CCDC81: variants seen among roughly 807,000 people sequenced by gnomAD.
CCDC81 encodes coiled-coil domain-containing protein 81.
Under a neutral mutation model 83.7 loss-of-function variants are expected in CCDC81, and 79 were observed. The observed-to-expected ratio is 0.94, with a 90% CI of 0.79 to 1.14. The LOEUF is 1.14. Ranked by LOEUF, CCDC81 falls within the 50% of genes most tolerant of loss-of-function variation. The pLI is 0.00. For synonymous variants in CCDC81, 252 were observed against 278.1 expected, an observed-to-expected ratio of 0.91 and a Z score of 0.93; for missense variants, 791 against 778.1, an observed-to-expected ratio of 1.02 and a Z score of -0.20.
At position 86,415,140 on chromosome 11, in the gene CCDC81, T is replaced by A; in HGVS notation, c.1518T>A (p.Ser506=). Reference sequence around the variant, plus strand: ...TGCCCCCCTTTGAGCCAGACTCCTCTGAGCCCATCTTTGGTAAGAATGAGG... The same window carrying A: ...TGCCCCCCTTTGAGCCAGACTCCTCAGAGCCCATCTTTGGTAAGAATGAGG... ...SRLPPFEPDS[S]EPIFGKNEGE... is the part of the protein sequence containing the mutation. The change falls in exon 13 of 15, where the codon TCT becomes TCA. Residue 506 remains serine (S), a synonymous_variant. Transcript: ENST00000445632. 1 of 1,614,226 alleles carries A rather than the reference T, an allele frequency of 6.2e-7. No individual in the cohort carries two copies. Among genetic ancestry groups the A allele is most frequent in the Non-Finnish European group, 8.5e-7 (1 of 1,180,038 alleles).
At chr11:86,384,199 A>AT (rs1021159669) in intron 1 of CCDC81, among the ~76,000 whole-genome samples, 1 of 152,156 alleles carries the variant, frequency 6.6e-6, no homozygotes, top group Non-Finnish European at 1.5e-5. Context: ...GGATACTGAG[A>AT]TTTTGCATTT....
chr11:86,412,375 C>A lies in CCDC81; in HGVS notation c.1219-12C>A. ...ACTCTAGCATAAATGAATTGCTTCT[C>A]TTTCATTCTAGAAATCCTTCCTATT... On this transcript the variant is annotated splice_polypyrimidine_tract_variant and intron_variant, in intron 10 of 14. Transcript: ENST00000445632. The A allele has an allele frequency of 6.4e-7, 1 of 1,565,720 alleles. No homozygotes were observed. Among genetic ancestry groups the A allele is most frequent in the South Asian group, 1.2e-5 (1 of 82,818 alleles).
Position 86,422,588 on chromosome 11 carries a change from T to A in CCDC81, c.1832T>A (p.Leu611Gln). ...CCTCTCCTCAGGGCTTCAGACAAGC[T>A]GTTTCTCCTAGACCAGTGTGAGAAG... Reference protein sequence around the residue: ...DKAFERASDKLFLLDQCEKYR... With the variant: ...DKAFERASDKQFLLDQCEKYR... Residue 611 changes from leucine (L) to glutamine (Q), a missense_variant, in exon 15 of 15, where the codon CTG (leucine) becomes CAG (glutamine). Physicochemically the swap from Leu to Gln is moderately radical, Grantham distance 113. Transcript: ENST00000445632. 6.2e-7 allele frequency: 1 copy of A among 1,613,786 alleles called. No individual in the cohort carries two copies. Among genetic ancestry groups the A allele is most frequent in the Non-Finnish European group, 8.5e-7 (1 of 1,179,762 alleles).
In CCDC81 at chr11:86,397,625, G is replaced by C; in HGVS notation, c.640G>C (p.Glu214Gln). The change falls in exon 6 of 15, where the codon GAG (glutamate) becomes CAG (glutamine). Residue 214 changes from glutamate (E) to glutamine (Q), a missense_variant. Physicochemically the swap from Glu to Gln is conservative, Grantham distance 29 (BLOSUM62 2). Coordinates refer to ENST00000445632, the MANE Select transcript of CCDC81 (RefSeq NM_001156474.2). ...PSSVLAFPRI[E>Q]LKEMENKLPM... ...AACATATTGGCTCATTCCTAGGATT[G>C]AGCTCAAGGAGATGGAAAACAAACT... is the stretch of plus-strand genomic sequence containing the variant. 2 of 1,611,648 alleles carry C rather than the reference G, an allele frequency of 1.2e-6. No individual in the cohort carries two copies. The highest frequency in any genetic ancestry group is 1.7e-6 in the Non-Finnish European group (2 of 1,179,046).
At chr11:86,386,458 G>A (rs1948242546) in intron 2 of CCDC81, among the ~76,000 whole-genome samples, 1 of 152,140 alleles carries the variant, frequency 6.6e-6, no homozygotes, top group South Asian at 2.1e-4. Context: ...GCTATAGAAG[G>A]ATATAACGCT....
chr11:86,422,857 C>A lies in CCDC81; in HGVS notation c.*142C>A. On this transcript the variant is annotated 3_prime_UTR_variant, in exon 15 of 15. Transcript: ENST00000445632. ...TGCTTTCATTAGATTGCTTGTTAAG[C>A]CCTTATTGAATTCACTCCTGCTTTC... 4 of 819,374 alleles carry A rather than the reference C, an allele frequency of 4.9e-6. No individual in the cohort carries two copies. Among genetic ancestry groups the A allele is most frequent in the Non-Finnish European group, 7.5e-6 (4 of 531,882 alleles). The allele number at this position is 819,374 out of a possible 1,614,324, so 50.8% of individuals were successfully genotyped here. A position where few individuals can be genotyped will look rare whatever the true frequency, so the allele number is the denominator to read the frequency against.
chr11:86,420,229 G>A (rs1948772618), intron 14 of CCDC81, among the ~76,000 whole-genome samples, 176 bp downstream of exon 14: 1 of 152,206 alleles, frequency 6.6e-6, no homozygotes, highest in Admixed American at 6.5e-5. Flanking sequence ...ACAGACATGG[G>A]ATTGGAGAAT....
At chr11:86,390,409 A>G (rs2138507021) in intron 3 of CCDC81, among the ~76,000 whole-genome samples, 1 of 152,290 alleles carries the variant, frequency 6.6e-6, no homozygotes, top group Non-Finnish European at 1.5e-5. Flanking sequence ...TAAGATGAAA[A>G]TGGTAGGTAG....
chr11:86,409,601 G>GCCA (rs1948610610), intron 10 of CCDC81, among the ~76,000 whole-genome samples: 2 of 152,062 alleles, frequency 1.3e-5, no homozygotes, highest in South Asian at 2.1e-4. Flanking sequence ...ACAGGCACCC[G>GCCA]CCACCATGCC....
chr11:86,379,212 T>A (rs111711215), intron 1 of CCDC81, among the ~76,000 whole-genome samples: 2 of 152,094 alleles, frequency 1.3e-5, no homozygotes, highest in African/African-American at 4.8e-5. Context: ...TTCTCCTGCC[T>A]CAGCCTCCCC....
In CCDC81 at chr11:86,379,002, T is replaced by C. The variant is rs567455009; in HGVS notation, c.79+3760T>C. On this transcript the variant is annotated intron_variant, in intron 1 of 14. Coordinates refer to ENST00000445632, the MANE Select transcript of CCDC81 (RefSeq NM_001156474.2). ...CTAGATTAATACCTACCATATTTGT[T>C]ATTGTTTTCTACTTTTTGCCCTTGT... is the stretch of plus-strand genomic sequence containing the variant. Among the ~76,000 whole-genome samples, 4 of 152,288 alleles carry C rather than the reference T, an allele frequency of 2.6e-5. No individual in the cohort carries two copies. In the South Asian group the frequency reaches 8.3e-4, roughly 32 times the overall value.
chr11:86,391,940 G>A (rs1948335973), intron 3 of CCDC81, among the ~76,000 whole-genome samples: 1 of 152,188 alleles, frequency 6.6e-6, no homozygotes, highest in African/African-American at 2.4e-5. Context: ...TGGAGCAGGA[G>A]TAAGAGGGAG....
rs773899278 is a variant in CCDC81, at chr11:86,409,262, T to A, written c.1115T>A (p.Met372Lys). Reference sequence around the variant, plus strand: ...ACTTTTTTTTTTTTTAAACAATAGATGAAAAGTCTGGCTACTAGAGAACAG... The same window carrying A: ...ACTTTTTTTTTTTTTAAACAATAGAAGAAAAGTCTGGCTACTAGAGAACAG... ...KDQEALFRHQ[M>K]KSLATREQNQ... The change falls in exon 10 of 15, where the codon ATG (methionine) becomes AAG (lysine). Residue 372 changes from methionine (M) to lysine (K), a missense_variant and splice_region_variant. Transcript: ENST00000445632. The A allele has an allele frequency of 1.4e-6, 2 of 1,392,200 alleles. No homozygotes were observed. Among genetic ancestry groups the A allele is most frequent in the East Asian group, 2.6e-5 (1 of 37,840 alleles). 86.2% of individuals were successfully genotyped at this position (1,392,200 alleles called of 1,614,324 possible).
Position 86,415,307 on chromosome 11 carries a change from A to G in CCDC81, c.1685A>G (p.Gln562Arg). ...GATTTGCAAATGCTTCAGAGGACAC[A>G]AAGAGAGTAAGGAGACCCCTGATCT... ...RRDLQMLQRT[Q>R]REHLADRTAE... Residue 562 changes from glutamine (Q) to arginine (R), a missense_variant, in exon 13 of 15, where the codon CAA (glutamine) becomes CGA (arginine). By Grantham distance (43) the Gln-to-Arg change is conservative (BLOSUM62 1). Transcript: ENST00000445632. The G allele has an allele frequency of 1.2e-6, 2 of 1,613,092 alleles. No homozygotes were observed. Among genetic ancestry groups the G allele is most frequent in the Non-Finnish European group, 1.7e-6 (2 of 1,179,342 alleles).
Position 86,415,209 on chromosome 11 carries a change from GA to G in CCDC81, c.1590del (p.Lys530AsnfsTer19), listed in dbSNP as rs1201271303. ...AGCAAAAGCGAGAACAAAATTACAT[GA>G]AACACCAGCTGGAGGCAGCTGCTAA... ...EKQKREQNYMKHQLEAAANHK... is the reference protein window; with the variant it reads ...EKQKREQNYMXHQLEAAANHK... On this transcript the variant is annotated frameshift_variant, in exon 13 of 15. Coordinates refer to ENST00000445632, the MANE Select transcript of CCDC81 (RefSeq NM_001156474.2). LOFTEE classifies it high-confidence loss of function. The G allele has an allele frequency of 6.2e-7, 1 of 1,614,152 alleles. No homozygotes were observed. Among genetic ancestry groups the G allele is most frequent in the East Asian group, 2.2e-5 (1 of 44,878 alleles).
intron 4 of CCDC81, among the ~76,000 whole-genome samples, chr11:86,393,087 G>A (rs1218540172): frequency 1.3e-5 from 2 of 152,172 alleles, no homozygotes; most frequent in Admixed American, 6.5e-5. Context: ...TTTTGAGACA[G>A]AGTCTCACTC....
intron 13 of CCDC81, among the ~76,000 whole-genome samples, chr11:86,416,888 C>T (rs76863864): frequency 1.3e-5 from 2 of 152,048 alleles, no homozygotes; most frequent in African/African-American, 2.4e-5. Flanking sequence ...GCTATTTATA[C>T]TTGTTTTTTT....
chr11:86,391,936 A>G (rs1242466214), intron 3 of CCDC81, among the ~76,000 whole-genome samples: 1 of 152,210 alleles, frequency 6.6e-6, no homozygotes, highest in Non-Finnish European at 1.5e-5. Context: ...AGGCTGGAGC[A>G]GGAGTAAGAG....
In CCDC81 at chr11:86,412,371, T is replaced by G; in HGVS notation, c.1219-16T>G. 1 of 1,558,680 alleles carries G rather than the reference T, an allele frequency of 6.4e-7. No individual in the cohort carries two copies. Among genetic ancestry groups the G allele is most frequent in the Non-Finnish European group, 8.7e-7 (1 of 1,153,524 alleles). On this transcript the variant is annotated splice_polypyrimidine_tract_variant and intron_variant, in intron 10 of 14. Transcript: ENST00000445632. ...CAGTACTCTAGCATAAATGAATTGC[T>G]TCTCTTTCATTCTAGAAATCCTTCC...
Sources: allele counts gnomAD v4.1 joint callset (sites outside exome capture counted in the v4.1 genomes callset), GRCh38; gene constraint gnomAD v4.1.1; transcripts MANE v1.5; gene names NCBI Gene and HGNC (gene_info 2026-07-23, HGNC 2026-07-21).